The following NLRC3 variants were observed in gnomAD, a reference collection of about 807,000 sequenced individuals.
The protein encoded by NLRC3 is NLR family CARD domain containing 3, also known as NLR family CARD domain-containing protein 3.
A neutral mutation model predicts 91.6 loss-of-function variants in NLRC3; 87 were observed. The observed-to-expected ratio is 0.95, with a 90% CI of 0.80 to 1.14. NLRC3 has a LOEUF of 1.14. Among genes scored for constraint, NLRC3 ranks in the 50% most tolerant of loss-of-function variants. The pLI, the probability that NLRC3 is intolerant of heterozygous loss-of-function variation, is 0.00. For synonymous variants in NLRC3, 694 were observed against 625.3 expected (o/e 1.11, Z -1.64); for missense variants, 1,577 against 1,418.6 (o/e 1.11, Z -1.79).
At chr16:3,566,752 G>C (rs1042906104) in intron 2 of NLRC3, among the ~76,000 whole-genome samples, 3 of 151,700 alleles carry the variant, frequency 2.0e-5, no homozygotes, top group Admixed American at 1.3e-4. Flanking sequence ...TTAGCCAGGC[G>C]TGGTGGCTGG....
intron 1 of NLRC3, among the ~76,000 whole-genome samples, chr16:3,567,605 C>G (rs1435572350): frequency 2.0e-5 from 3 of 151,750 alleles, no homozygotes; most frequent in African/African-American, 7.3e-5. Context: ...GCAACCCCAT[C>G]TCTACTAATA....
chr16:3,543,560 C>A (rs56108616), intron 16 of NLRC3, 52 bp from the exon 17 acceptor site: 1 of 1,222,058 alleles, frequency 8.2e-7, no homozygotes, highest in South Asian at 1.3e-5. Context: ...CACCTCCCTC[C>A]GCATACTCCG....
At chr16:3,558,972 T>G (rs775731243) in intron 6 of NLRC3, among the ~76,000 whole-genome samples, 17 of 152,082 alleles carry the variant, frequency 1.1e-4, no homozygotes, top group Non-Finnish European at 2.2e-4. Flanking sequence ...GGGTTTTACT[T>G]TGTTGCCGAG....
At chr16:3,561,642 A>T (rs930448696) in intron 6 of NLRC3, 60 bp downstream of exon 6, 5 of 1,149,714 alleles carry the variant, frequency 4.3e-6, no homozygotes, top group Non-Finnish European at 6.6e-6. Flanking sequence ...GATGATGGGA[A>T]GAGGGTTCCA....
In NLRC3 at chr16:3,563,814, C is replaced by G. The variant is rs560380521; in HGVS notation, c.1123G>C (p.Glu375Gln). The stretch of plus-strand genomic sequence containing the variant: ...CTTGCCTTGCCCTTCTCCTGCCCCT[C>G]CCCGCTGAGGGCCATCCTAAAGTAC... ...SWYFRMALSGEGQEKGKASPR... is the reference protein window; with the variant it reads ...SWYFRMALSGQGQEKGKASPR... Residue 375 changes from glutamate (E) to glutamine (Q), a missense_variant, in exon 5 of 20, where the codon GAG (glutamate) becomes CAG (glutamine). By Grantham distance (29) the Glu-to-Gln change is conservative. Coordinates refer to ENST00000359128, the MANE Select transcript of NLRC3 (RefSeq NM_178844.4). 1 of 1,610,150 alleles carries G rather than the reference C, an allele frequency of 6.2e-7. No individual in the cohort carries two copies. The highest frequency in any genetic ancestry group is 8.5e-7 in the Non-Finnish European group (1 of 1,177,870).
chr16:3,571,077 A>G (rs1303239188), intron 1 of NLRC3, among the ~76,000 whole-genome samples: 2 of 152,156 alleles, frequency 1.3e-5, no homozygotes, highest in Non-Finnish European at 2.9e-5. Context: ...GAACAAATAT[A>G]TATTTATAAT....
At chr16:3,565,572 G>C (rs996874074) in intron 2 of NLRC3, among the ~76,000 whole-genome samples, 192 bp from the exon 3 acceptor site, 2 of 150,048 alleles carry the variant, frequency 1.3e-5, no homozygotes, top group African/African-American at 4.9e-5. Context: ...AAAGTATGGA[G>C]ACAGGAAGAC....
intron 8 of NLRC3, chr16:3,555,946 A>ATAAG (rs1194897047): frequency 1.4e-4 from 21 of 148,548 alleles, no homozygotes; most frequent in African/African-American, 4.9e-4. Flanking sequence ...AAATAAATAA[A>ATAAG]TAAATAAATA....
intron 1 of NLRC3, among the ~76,000 whole-genome samples, chr16:3,575,504 T>C (rs568656615): frequency 6.6e-6 from 1 of 152,196 alleles, no homozygotes; most frequent in Non-Finnish European, 1.5e-5. Flanking sequence ...TGGTTTGAGC[T>C]GCTGCGAGCA....
chr16:3,548,189 G>C lies in NLRC3; in HGVS notation c.2717C>G (p.Ala906Gly), dbSNP rs199475945. The C allele has an allele frequency of 6.3e-7, 1 of 1,595,444 alleles. No homozygotes were observed. The highest frequency in any genetic ancestry group is 1.3e-5 in the African/African-American group (1 of 74,790). The change falls in exon 15 of 20, where the codon GCT (alanine) becomes GGT (glycine). Residue 906 changes from alanine (A) to glycine (G), a missense_variant. Ala to Gly is a moderately conservative substitution (Grantham distance 60). Transcript: ENST00000359128. ...HLQWNFIQAG[A>G]AQALGQALQL... is the part of the protein sequence containing the mutation. ...TAGTGCTTGTCCCAGGGCCTGGGCAGCGCCGGCCTGGATGAAGTTCCACTG... is the reference window on the plus strand; with the variant it reads ...TAGTGCTTGTCCCAGGGCCTGGGCACCGCCGGCCTGGATGAAGTTCCACTG...
intron 1 of NLRC3, among the ~76,000 whole-genome samples, chr16:3,570,197 C>T (rs1346627688): frequency 1.3e-5 from 2 of 152,010 alleles, no homozygotes; most frequent in Non-Finnish European, 2.9e-5. Context: ...GTCTCAACTC[C>T]TGACCTCAAG....
At chr16:3,551,244 C>G (rs2038981695) in intron 10 of NLRC3, among the ~76,000 whole-genome samples, 1 of 151,186 alleles carries the variant, frequency 6.6e-6, no homozygotes, top group Non-Finnish European at 1.5e-5. Flanking sequence ...ACCCACCCAC[C>G]CACTCACTCA....
intron 15 of NLRC3, 177 bp from the exon 16 acceptor site, chr16:3,544,506 A>G (rs1223442551): frequency 1.7e-6 from 1 of 600,716 alleles, no homozygotes; most frequent in South Asian, 1.9e-5. Context: ...CCTCATACTA[A>G]GCACACAGAG....
intron 1 of NLRC3, among the ~76,000 whole-genome samples, chr16:3,571,355 T>C (rs191838018): frequency 1.3e-3 from 191 of 150,218 alleles, no homozygotes; most frequent in African/African-American, 4.3e-3. Context: ...AGTGTCAGCC[T>C]GGGCAACATA....
rs927279090 is a variant in NLRC3, at chr16:3,574,743, C to T, written c.-169+2406G>A. Among the ~76,000 whole-genome samples the T allele has an allele frequency of 3.3e-5, 5 of 152,124 alleles. 1 individual carries two copies. The South Asian group carries it at 8.3e-4, about 25-fold the overall frequency. Reference sequence around the variant, plus strand: ...TGGGAGGCTGAGGTGGGCAGATCACCTTGAGGTCAGGAGTTCAAGACCAGC... The same window carrying T: ...TGGGAGGCTGAGGTGGGCAGATCACTTTGAGGTCAGGAGTTCAAGACCAGC... On this transcript the variant is annotated intron_variant, in intron 1 of 19. Transcript: ENST00000359128.
intron 6 of NLRC3, among the ~76,000 whole-genome samples, chr16:3,559,729 C>T (rs1000942033): frequency 6.7e-6 from 1 of 150,360 alleles, no homozygotes; most frequent in Non-Finnish European, 1.5e-5. Flanking sequence ...ACTTCTGCCT[C>T]CCAGACTCAA....
At chr16:3,550,389 T>C in intron 11 of NLRC3, 25 bp downstream of exon 11, 1 of 1,511,972 alleles carries the variant, frequency 6.6e-7, no homozygotes, top group Non-Finnish European at 9.2e-7. Context: ...CCAGGGGGAA[T>C]CGTCACCCTG....
chr16:3,560,108 G>A (rs113939174), intron 6 of NLRC3, among the ~76,000 whole-genome samples: 1 of 152,202 alleles, frequency 6.6e-6, no homozygotes, highest in Non-Finnish European at 1.5e-5. Flanking sequence ...AGAACCCAGA[G>A]GCTTGTATGA....
At chr16:3,561,449 G>A (rs2039607053) in intron 6 of NLRC3, among the ~76,000 whole-genome samples, 1 of 152,222 alleles carries the variant, frequency 6.6e-6, no homozygotes, top group South Asian at 2.1e-4. Flanking sequence ...ACGTAGTGCT[G>A]TGGAAACACC....
Sources: allele counts gnomAD v4.1 joint callset (sites outside exome capture counted in the v4.1 genomes callset), GRCh38; gene constraint gnomAD v4.1.1; transcripts MANE v1.5; gene names NCBI Gene and HGNC (gene_info 2026-07-23, HGNC 2026-07-21).